The following XIRP2 variants were observed in gnomAD, a reference collection of about 807,000 sequenced individuals.
XIRP2 encodes xin actin binding repeat containing 2.
A neutral mutation model predicts 277.0 loss-of-function variants in XIRP2; 236 were observed. The ratio of observed to expected loss-of-function variants is 0.85; its 90% CI spans 0.77 to 0.95. XIRP2 has a LOEUF of 0.95. XIRP2 is among the 40% of genes least tolerant of loss of function. The pLI, the probability that XIRP2 is intolerant of heterozygous loss-of-function variation, is 0.00. For missense variants in XIRP2, 4,640 were observed against 4,157.5 expected (o/e 1.12, Z -3.19); for synonymous variants, 1,490 against 1,416.5 (o/e 1.05, Z -1.17).
At chr2:166,892,409 A>T (rs530366360) in intron 1 of XIRP2, among the ~76,000 whole-genome samples, 1 of 152,182 alleles carries the variant, frequency 6.6e-6, no homozygotes, top group Non-Finnish European at 1.5e-5. Context: ...GAAAAGAGAC[A>T]TGTGTTGATC....
chr2:166,936,817 C>T (rs1685532299), intron 2 of XIRP2, among the ~76,000 whole-genome samples: 1 of 152,054 alleles, frequency 6.6e-6, no homozygotes, highest in African/African-American at 2.4e-5. Flanking sequence ...TTACTGTAGC[C>T]TTGTAGTATG....
intron 2 of XIRP2, among the ~76,000 whole-genome samples, chr2:166,933,891 C>A (rs1484946616): frequency 6.6e-6 from 1 of 151,742 alleles, no homozygotes; most frequent in Non-Finnish European, 1.5e-5. Context: ...TTTGCTATTT[C>A]TTGTTGTTGA....
At chr2:167,156,061 A>C (rs374508018) in intron 3 of XIRP2, among the ~76,000 whole-genome samples, 8,088 of 150,978 alleles carry the variant, frequency 0.054, 374 homozygotes, top group African/African-American at 0.12. Flanking sequence ...GACCTCTTCA[A>C]GGAGAACTAC....
chr2:167,125,593 G>A (rs1691178121), intron 2 of XIRP2, among the ~76,000 whole-genome samples: 1 of 152,140 alleles, frequency 6.6e-6, no homozygotes, highest in Admixed American at 6.6e-5. Context: ...ATTTAGAGCA[G>A]AGCACTTTGC....
At chr2:167,006,591 G>T (rs1295934157) in intron 2 of XIRP2, among the ~76,000 whole-genome samples, 1 of 151,772 alleles carries the variant, frequency 6.6e-6, no homozygotes, top group Admixed American at 6.6e-5. Flanking sequence ...GGGCAAGACA[G>T]TTCCTTCTGA....
chr2:167,166,976 T>C (rs1692540187), intron 3 of XIRP2, among the ~76,000 whole-genome samples: 3 of 152,132 alleles, frequency 2.0e-5, no homozygotes, highest in Admixed American at 2.0e-4. Flanking sequence ...CTATTTCTCC[T>C]TGCACTTTTA....
At chr2:167,181,841 T>A (rs1693018161) in intron 3 of XIRP2, among the ~76,000 whole-genome samples, 1 of 152,132 alleles carries the variant, frequency 6.6e-6, no homozygotes, top group African/African-American at 2.4e-5. Context: ...GCTCCAGTGG[T>A]GAGTCAAGAC....
intron 2 of XIRP2, among the ~76,000 whole-genome samples, chr2:166,915,174 G>T (rs187284631): frequency 6.6e-6 from 1 of 150,980 alleles, no homozygotes; most frequent in African/African-American, 2.4e-5. Flanking sequence ...GGTGGTGGGC[G>T]CCTGTGGTCC....
chr2:167,102,193 G>A (rs1690503854), intron 2 of XIRP2, among the ~76,000 whole-genome samples: 1 of 152,168 alleles, frequency 6.6e-6, no homozygotes. Context: ...AATTCATAGG[G>A]AACAAACTAG....
intron 2 of XIRP2, among the ~76,000 whole-genome samples, chr2:166,940,331 C>G (rs572250537): frequency 1.3e-5 from 2 of 152,188 alleles, no homozygotes; most frequent in Non-Finnish European, 2.9e-5. Context: ...ACTGGTTATT[C>G]TAGTTAGCCA....
chr2:167,210,812 C>T lies in XIRP2; in HGVS notation c.640C>T (p.His214Tyr). Residue 214 changes from histidine (H) to tyrosine (Y), a missense_variant, in exon 4 of 11, where the codon CAC becomes TAC. By Grantham distance (83) the His-to-Tyr change is moderately conservative (BLOSUM62 2). Coordinates refer to ENST00000409195, the MANE Select transcript of XIRP2 (RefSeq NM_152381.6). ...TCGGGGCGAGGGTGTGTCAGACCTCCACGAAGTGGTCTCCCTGAAGGAGCG... is the reference window on the plus strand; with the variant it reads ...TCGGGGCGAGGGTGTGTCAGACCTCTACGAAGTGGTCTCCCTGAAGGAGCG... ...AARGEGVSDL[H>Y]EVVSLKERMA... The T allele has an allele frequency of 6.2e-7, 1 of 1,614,184 alleles. No individual in the cohort carries two copies. Among genetic ancestry groups the T allele is most frequent in the Non-Finnish European group, 8.5e-7 (1 of 1,180,036 alleles).
chr2:167,234,653 G>A (rs1445673183), intron 5 of XIRP2, among the ~76,000 whole-genome samples: 1 of 151,680 alleles, frequency 6.6e-6, no homozygotes, highest in African/African-American at 2.4e-5. Flanking sequence ...AATCCAACTA[G>A]CATACTCTCA....
At chr2:166,965,509 G>C (rs188912745) in intron 2 of XIRP2, among the ~76,000 whole-genome samples, 2 of 151,984 alleles carry the variant, frequency 1.3e-5, no homozygotes, top group Middle Eastern at 6.8e-3. Context: ...CCTTTTTAGA[G>C]ACTTAATAAC....
At chr2:167,137,561 A>G (rs1691590530) in intron 3 of XIRP2, among the ~76,000 whole-genome samples, 1 of 152,174 alleles carries the variant, frequency 6.6e-6, no homozygotes, top group South Asian at 2.1e-4. Flanking sequence ...ATCACATCTT[A>G]CTTCTCCTCA....
intron 2 of XIRP2, among the ~76,000 whole-genome samples, chr2:167,130,601 T>G (rs1691344509): frequency 6.6e-6 from 1 of 152,092 alleles, no homozygotes; most frequent in African/African-American, 2.4e-5. Flanking sequence ...GTTCTTTAGT[T>G]TCACCAAGAT....
rs975759830 is a variant in XIRP2, at chr2:166,988,512, G to A, written c.408+84622G>A. 1.5e-4 allele frequency among the ~76,000 whole-genome samples: 20 copies of A among 134,236 alleles called. 1 individual carries two copies. The highest frequency in any genetic ancestry group is 2.8e-4 in the Non-Finnish European group (18 of 63,244). 88.1% of individuals were successfully genotyped at this position (134,236 alleles called of 152,430 possible). ...CCGGTCTACAGCTCCCAGCGTGAGC[G>A]ACGCAGAAGACAGGTGATTTCTGCA... is the stretch of plus-strand genomic sequence containing the variant. On this transcript the variant is annotated intron_variant, in intron 2 of 10. Coordinates refer to ENST00000409195, the MANE Select transcript of XIRP2 (RefSeq NM_152381.6).
intron 2 of XIRP2, among the ~76,000 whole-genome samples, chr2:167,014,101 A>T (rs972001760): frequency 6.6e-6 from 1 of 151,602 alleles, no homozygotes; most frequent in Non-Finnish European, 1.5e-5. Flanking sequence ...AGAAATAATG[A>T]TGCTCTTATC....
At chr2:167,140,946 G>A (rs760774099) in intron 3 of XIRP2, 1 of 151,882 alleles carries the variant, frequency 6.6e-6, no homozygotes, top group Non-Finnish European at 1.5e-5. Flanking sequence ...GGGGCAGCTG[G>A]GAGTTTGCTA....
At chr2:167,191,857 G>A (rs1056868431) in intron 3 of XIRP2, among the ~76,000 whole-genome samples, 1 of 152,082 alleles carries the variant, frequency 6.6e-6, no homozygotes, top group African/African-American at 2.4e-5. Flanking sequence ...CAAAAGTAAG[G>A]AATTGCCAAA....
Sources: gnomAD v4.1 joint callset for allele counts (sites outside exome capture counted in the v4.1 genomes callset) on GRCh38, gnomAD v4.1.1 for gene constraint, MANE v1.5 for transcripts, NCBI Gene and HGNC (gene_info 2026-07-23, HGNC 2026-07-21) for gene names.